The following SCN11A variants were observed in gnomAD, a reference collection of about 807,000 sequenced individuals.
SCN11A encodes sodium channel protein type 11 subunit alpha.
SCN11A carries 122 observed loss-of-function variants against 162.2 expected under a neutral mutation model. The observed-to-expected ratio is 0.75, with a 90% CI of 0.65 to 0.87. The LOEUF is 0.87. Among genes scored for constraint, SCN11A ranks in the 40% least tolerant of loss-of-function variants. SCN11A has a pLI of 0.00. For missense variants in SCN11A, 2,015 were observed against 2,181.6 expected (o/e 0.92, Z 1.52); for synonymous variants, 758 against 751.5 (o/e 1.01, Z -0.14).
At chr3:39,023,325 C>T (rs554316926) in intron 2 of SCN11A, among the ~76,000 whole-genome samples, 2 of 152,176 alleles carry the variant, frequency 1.3e-5, no homozygotes, top group South Asian at 2.1e-4. Context: ...CTAAATTGTT[C>T]TTCATATACA....
intron 2 of SCN11A, among the ~76,000 whole-genome samples, chr3:38,976,008 A>G (rs2066847507): frequency 6.6e-6 from 1 of 152,214 alleles, no homozygotes; most frequent in African/African-American, 2.4e-5. Flanking sequence ...AAAGGAAAAA[A>G]GAGTGGAAAT....
At chr3:38,854,575 C>T (rs918167890) in intron 28 of SCN11A, among the ~76,000 whole-genome samples, 4 of 152,116 alleles carry the variant, frequency 2.6e-5, no homozygotes, top group Admixed American at 6.5e-5. Context: ...ACCGCAGGAA[C>T]GTAACAGGAA....
At chr3:38,996,174 C>T (rs1408716597) in intron 2 of SCN11A, among the ~76,000 whole-genome samples, 2 of 151,984 alleles carry the variant, frequency 1.3e-5, no homozygotes, top group Non-Finnish European at 2.9e-5. Context: ...TTTTTTCAGT[C>T]ATCCCACCTG....
chr3:38,982,436 C>A (rs894817873), intron 2 of SCN11A, among the ~76,000 whole-genome samples: 6 of 152,082 alleles, frequency 3.9e-5, no homozygotes, highest in Non-Finnish European at 7.4e-5. Context: ...GTTTAATGGG[C>A]CCTGGGTAAA....
intron 3 of SCN11A, among the ~76,000 whole-genome samples, 29 bp from the exon 4 acceptor site, chr3:38,953,788 C>G (rs763834254): frequency 6.6e-6 from 1 of 152,006 alleles, no homozygotes; most frequent in East Asian, 1.9e-4. Flanking sequence ...AAAAGGCACT[C>G]GAATATAGGG....
chr3:39,012,436 T>C (rs796684920), intron 2 of SCN11A, among the ~76,000 whole-genome samples: 5 of 148,524 alleles, frequency 3.4e-5, no homozygotes, highest in African/African-American at 7.8e-5. Context: ...CTTTCTTTCT[T>C]TCTCTCTCTC....
intron 19 of SCN11A, among the ~76,000 whole-genome samples, chr3:38,888,452 G>A (rs966419068): frequency 4.6e-5 from 7 of 152,020 alleles, no homozygotes; most frequent in African/African-American, 1.7e-4. Context: ...AAATATATGA[G>A]GAAACAAACA....
chr3:38,974,658 G>GCACTC (rs1349093841), intron 2 of SCN11A, among the ~76,000 whole-genome samples: 8 of 127,342 alleles, frequency 6.3e-5, no homozygotes, highest in Non-Finnish European at 1.2e-4. Context: ...TCGCGCCACT[G>GCACTC]CACTCCAGCC....
At chr3:38,991,910 G>A (rs970258313) in intron 2 of SCN11A, among the ~76,000 whole-genome samples, 8 of 152,174 alleles carry the variant, frequency 5.3e-5, no homozygotes, top group Admixed American at 1.3e-4. Flanking sequence ...CCAGGTTCAA[G>A]TGATTCTCAT....
intron 2 of SCN11A, among the ~76,000 whole-genome samples, chr3:39,025,046 C>T (rs576375692): frequency 2.0e-5 from 3 of 152,268 alleles, no homozygotes; most frequent in South Asian, 4.1e-4. Context: ...GGCCTCTGCA[C>T]GAGCTCTTAG....
At chr3:39,028,212 T>G (rs1484811494) in intron 2 of SCN11A, among the ~76,000 whole-genome samples, 2 of 152,218 alleles carry the variant, frequency 1.3e-5, no homozygotes, top group African/African-American at 4.8e-5. Flanking sequence ...ATCTGGTCAC[T>G]TACCAAGCTC....
chr3:38,874,858 T>G (rs2065183948), intron 23 of SCN11A, among the ~76,000 whole-genome samples: 1 of 152,184 alleles, frequency 6.6e-6, no homozygotes, highest in African/African-American at 2.4e-5. Flanking sequence ...TAGAGTATTG[T>G]TGAATACAAA....
intron 7 of SCN11A, among the ~76,000 whole-genome samples, chr3:38,936,006 A>G (rs1436254813): frequency 1.3e-5 from 2 of 152,204 alleles, no homozygotes; most frequent in East Asian, 3.8e-4. Context: ...CAGCACATCA[A>G]AAAGCTTATC....
chr3:38,941,734 T>C (rs1389203282), intron 7 of SCN11A, among the ~76,000 whole-genome samples: 1 of 150,066 alleles, frequency 6.7e-6, no homozygotes, highest in African/African-American at 2.5e-5. Context: ...TAAATATACA[T>C]GATTAACACA....
At position 38,847,431 on chromosome 3, in the gene SCN11A, T is replaced by C. The variant is rs754065013; in HGVS notation, c.4639A>G (p.Ile1547Val). ...FASSMLCLFQ[I>V]STSAGWDSLL... ...GAATCCCAACCTGCTGATGTGCTTA[T>C]CTGGAAGAGACAGAGCATGCTGCTG... Residue 1547 changes from isoleucine (I) to valine (V), a missense_variant, in exon 30 of 30, where the codon ATA (isoleucine) becomes GTA (valine). Coordinates refer to ENST00000302328, the MANE Select transcript of SCN11A (RefSeq NM_001349253.2). The C allele has an allele frequency of 1.2e-6, 2 of 1,614,216 alleles. No homozygotes were observed. Among genetic ancestry groups the C allele is most frequent in the Middle Eastern group, 1.6e-4 (1 of 6,062 alleles).
chr3:38,963,378 TATATATATGATGGAG>T (rs1462427709), intron 2 of SCN11A, among the ~76,000 whole-genome samples: 2 of 83,550 alleles, frequency 2.4e-5, no homozygotes, highest in Admixed American at 1.2e-4. Flanking sequence ...TATATATATA[TATATATATGATGGAG>T]ATATATATAT....
At chr3:38,924,875 A>C (rs1475036817) in intron 9 of SCN11A, among the ~76,000 whole-genome samples, 19 of 151,444 alleles carry the variant, frequency 1.3e-4, no homozygotes, top group Non-Finnish European at 2.9e-5. Context: ...TCCCATCCTC[A>C]TCCTTGCTAC....
In SCN11A at chr3:39,024,915, C is replaced by A. The variant is rs4676648; in HGVS notation, c.-280+7465G>T. Among the ~76,000 whole-genome samples, 726 of 152,316 alleles carry A rather than the reference C, an allele frequency of 4.8e-3. 17 individuals are homozygous for A. The highest frequency in any genetic ancestry group is 0.042 in the Admixed American group (639 of 15,296). On this transcript the variant is annotated intron_variant, in intron 2 of 29. Transcript: ENST00000302328. ...GACAATTTCCCCTGTATCTTTGGGTCTTCCTTCTGAAGGCTCCTGTATATA... is the reference window on the plus strand; with the variant it reads ...GACAATTTCCCCTGTATCTTTGGGTATTCCTTCTGAAGGCTCCTGTATATA...
Position 38,847,200 on chromosome 3 carries a change from C to T in SCN11A, c.4870G>A (p.Asp1624Asn). 1 of 1,614,038 alleles carries T rather than the reference C, an allele frequency of 6.2e-7. No homozygotes were observed. Among genetic ancestry groups the T allele is most frequent in the Non-Finnish European group, 8.5e-7 (1 of 1,179,940 alleles). Reference protein sequence around the residue: ...SEDPLGEDDFDIFYEVWEKFD... With the variant: ...SEDPLGEDDFNIFYEVWEKFD... ...TTTTCCCACACTTCATAAAATATGT[C>T]AAAGTCATCTTCACCCAAAGGGTCC... The change falls in exon 30 of 30, where the codon GAC becomes AAC. Residue 1624 changes from aspartate to asparagine, a missense_variant. By Grantham distance (23) the Asp-to-Asn change is conservative. Transcript: ENST00000302328.
Sources: gnomAD v4.1 joint callset for allele counts (sites outside exome capture counted in the v4.1 genomes callset) on GRCh38, gnomAD v4.1.1 for gene constraint, MANE v1.5 for transcripts, NCBI Gene and HGNC (gene_info 2026-07-23, HGNC 2026-07-21) for gene names.